SNCAIP: variants seen among roughly 807,000 people sequenced by gnomAD.
SNCAIP encodes synuclein alpha interacting protein, also known as synphilin-1.
Under a neutral mutation model 86.7 loss-of-function variants are expected in SNCAIP, and 43 were observed. That is an observed-to-expected ratio of 0.50 (90% CI 0.39 to 0.64). The LOEUF (loss-of-function observed/expected upper bound fraction) is 0.64. SNCAIP is among the 30% of genes least tolerant of loss of function. The pLI is 0.00. For missense variants in SNCAIP, 981 were observed against 1,103.1 expected (o/e 0.89, Z 1.57); for synonymous variants, 417 against 427.2 (o/e 0.98, Z 0.29).
intron 1 of SNCAIP, among the ~76,000 whole-genome samples, chr5:122,356,771 G>T (rs557837504): frequency 1.3e-5 from 2 of 152,252 alleles, no homozygotes; most frequent in African/African-American, 4.8e-5. Context: ...ACCAAAGCCT[G>T]TTGGCTCTAC....
intron 1 of SNCAIP, among the ~76,000 whole-genome samples, chr5:122,359,937 C>A (rs1761880131): frequency 6.6e-6 from 1 of 152,078 alleles, no homozygotes; most frequent in Non-Finnish European, 1.5e-5. Flanking sequence ...AATAATAATG[C>A]CTTCAGCTCC....
At chr5:122,434,369 A>G (rs1489467634) in intron 6 of SNCAIP, among the ~76,000 whole-genome samples, 1 of 152,160 alleles carries the variant, frequency 6.6e-6, no homozygotes, top group Non-Finnish European at 1.5e-5. Flanking sequence ...AATGTTGATT[A>G]TATGTGCCAG....
chr5:122,348,085 C>T (rs1368640535), intron 1 of SNCAIP, among the ~76,000 whole-genome samples: 1 of 151,994 alleles, frequency 6.6e-6, no homozygotes, highest in Non-Finnish European at 1.5e-5. Context: ...TTCAATTTTC[C>T]TCAAAGCATT....
Position 122,440,709 on chromosome 5 carries a change from T to G in SNCAIP, c.1377T>G (p.Ser459Arg). The G allele has an allele frequency of 6.2e-7, 1 of 1,614,074 alleles. No homozygotes were observed. The highest frequency in any genetic ancestry group is 8.5e-7 in the Non-Finnish European group (1 of 1,179,926). ...SLDEVDQDGN[S>R]AVHVASQHGY... ...ATGAAGTAGACCAGGATGGCAACAG[T>G]GCCGTTCACGTAGCCTCACAGCATG... The change falls in exon 7 of 11, where the codon AGT becomes AGG. Residue 459 changes from serine (S) to arginine (R), a missense_variant. Transcript: ENST00000261368.
chr5:122,322,822 T>C (rs969324532), intron 1 of SNCAIP, among the ~76,000 whole-genome samples: 10 of 152,238 alleles, frequency 6.6e-5, no homozygotes, highest in African/African-American at 2.4e-4. Flanking sequence ...TTGTCTTTAC[T>C]AAGACAAGGA....
At chr5:122,401,201 TC>T in intron 2 of SNCAIP, 1 of 1,405,560 alleles carries the variant, frequency 7.1e-7, no homozygotes, top group Non-Finnish European at 9.5e-7. Context: ...TGGGAAGCCT[TC>T]CATTTCAGCT....
chr5:122,451,462 G>A lies in SNCAIP; in HGVS notation c.2615G>A (p.Ser872Asn), dbSNP rs780650725. Residue 872 changes from serine to asparagine, a missense_variant, in exon 10 of 11, where the codon AGT (serine) becomes AAT (asparagine). Physicochemically the swap from Ser to Asn is conservative, Grantham distance 46. Coordinates refer to ENST00000261368, the MANE Select transcript of SNCAIP (RefSeq NM_005460.4). The part of the protein sequence containing the change: ...GAFRSIMETL[S>N]GNQNNNNNYQ... ...TTTCGATCTATCATGGAGACACTAA[G>A]TGGCAACCAAAACAATAATAATAAC... is the stretch of plus-strand genomic sequence containing the variant. 1 of 1,613,948 alleles carries A rather than the reference G, an allele frequency of 6.2e-7. No homozygotes were observed. Among genetic ancestry groups the A allele is most frequent in the Non-Finnish European group, 8.5e-7 (1 of 1,180,010 alleles).
At chr5:122,401,069 T>C (rs1771712424) in intron 2 of SNCAIP, 2 of 1,550,134 alleles carry the variant, frequency 1.3e-6, no homozygotes, top group Middle Eastern at 1.7e-4. Flanking sequence ...TTGGTTCCCA[T>C]AGGGCCAAAC....
chr5:122,390,428 C>T (rs17149115), intron 1 of SNCAIP, among the ~76,000 whole-genome samples: 19,748 of 152,078 alleles, frequency 0.13, 1,370 homozygotes, highest in South Asian at 0.25. Context: ...TGACTGAAGA[C>T]GTTCCGGGGC....
chr5:122,418,732 G>A lies in SNCAIP; in HGVS notation c.131-4136G>A, dbSNP rs77294674. The stretch of plus-strand genomic sequence containing the variant: ...TAGCATTCTCACTCTGTAAATCAGG[G>A]GTATTTAGCATGGTTCCTGTGTGCC... On this transcript the variant is annotated intron_variant, in intron 3 of 10. Transcript: ENST00000261368. Among the ~76,000 whole-genome samples, 512 of 152,214 alleles carry A rather than the reference G, an allele frequency of 3.4e-3. 3 individuals are homozygous for A. Among genetic ancestry groups the A allele is most frequent in the Non-Finnish European group, 4.9e-3 (332 of 68,014 alleles).
Position 122,432,071 on chromosome 5 carries a change from T to C in SNCAIP, c.1285T>C (p.Cys429Arg). The C allele has an allele frequency of 6.6e-7, 1 of 1,514,238 alleles. No homozygotes were observed. Among genetic ancestry groups the C allele is most frequent in the South Asian group, 1.1e-5 (1 of 88,992 alleles). The allele number at this position is 1,514,238 out of a possible 1,614,324, so 93.8% of individuals were successfully genotyped here. Residue 429 changes from cysteine to arginine, a missense_variant, in exon 6 of 11, where the codon TGC becomes CGC. By Grantham distance (180) the Cys-to-Arg change is radical (BLOSUM62 -3). Coordinates refer to ENST00000261368, the MANE Select transcript of SNCAIP (RefSeq NM_005460.4). ...TCCAAGCCTTATTCATTACGCAGGT[T>C]GCTATGGCCAGGTATGAAGGAGTTT... is the stretch of plus-strand genomic sequence containing the variant. ...DFPSLIHYAGCYGQEKILLWL... is the reference protein window; with the variant it reads ...DFPSLIHYAGRYGQEKILLWL...
intron 1 of SNCAIP, among the ~76,000 whole-genome samples, chr5:122,365,259 G>A (rs187456165): frequency 5.9e-4 from 90 of 152,242 alleles, no homozygotes; most frequent in African/African-American, 6.3e-4. Flanking sequence ...CCAAAATGCC[G>A]TATGTCTTAT....
chr5:122,392,049 C>T (rs1011738924), intron 2 of SNCAIP, among the ~76,000 whole-genome samples: 1 of 152,194 alleles, frequency 6.6e-6, no homozygotes, highest in Non-Finnish European at 1.5e-5. Context: ...CTCTCAGGGC[C>T]TGGAGCTATG....
chr5:122,445,602 A>C, intron 8 of SNCAIP, among the ~76,000 whole-genome samples: 1 of 151,858 alleles, frequency 6.6e-6, no homozygotes, highest in Admixed American at 6.6e-5. Context: ...GGTAAATCTT[A>C]AAAATTAAAT....
chr5:122,384,682 C>G (rs1221556006), intron 1 of SNCAIP, among the ~76,000 whole-genome samples: 2 of 152,242 alleles, frequency 1.3e-5, no homozygotes, highest in East Asian at 1.9e-4. Flanking sequence ...TCCTTCAGGA[C>G]AGCAAGGAAG....
At chr5:122,334,312 G>C (rs77507594) in intron 1 of SNCAIP, among the ~76,000 whole-genome samples, 3,678 of 151,880 alleles carry the variant, frequency 0.024, 146 homozygotes, top group African/African-American at 0.085. Context: ...CAAATGACTT[G>C]CCCAAGTCAC....
intron 3 of SNCAIP, among the ~76,000 whole-genome samples, chr5:122,415,901 C>A (rs763759361): frequency 1.3e-5 from 2 of 152,176 alleles, no homozygotes; most frequent in Non-Finnish European, 2.9e-5. Context: ...AAAACTTAAT[C>A]CACTCCCGAG....
At position 122,345,851 on chromosome 5, in the gene SNCAIP, C is replaced by G. The variant is rs1014544242; in HGVS notation, c.-47+33567C>G. Reference sequence around the variant, plus strand: ...TTTTTTTTTAAGAGATAGGGTCTCGCTTTGTTTCCCAGGCTGGTCTTGAAC... The same window carrying G: ...TTTTTTTTTAAGAGATAGGGTCTCGGTTTGTTTCCCAGGCTGGTCTTGAAC... On this transcript the variant is annotated intron_variant, in intron 1 of 10. Coordinates refer to ENST00000261368, the MANE Select transcript of SNCAIP (RefSeq NM_005460.4). Among the ~76,000 whole-genome samples, 4 of 151,870 alleles carry G rather than the reference C, an allele frequency of 2.6e-5. No individual in the cohort carries two copies. The East Asian group carries it at 7.7e-4, about 29-fold the overall frequency.
intron 2 of SNCAIP, among the ~76,000 whole-genome samples, chr5:122,394,269 C>G (rs997446265): frequency 6.6e-6 from 1 of 152,100 alleles, no homozygotes; most frequent in African/African-American, 2.4e-5. Flanking sequence ...ATAGTCTAGG[C>G]TTTCTATTCC....
Sources: allele counts gnomAD v4.1 joint callset (sites outside exome capture counted in the v4.1 genomes callset), GRCh38; gene constraint gnomAD v4.1.1; transcripts MANE v1.5; gene names NCBI Gene and HGNC (gene_info 2026-07-23, HGNC 2026-07-21).